The following TOX3 variants were observed in gnomAD, a reference collection of about 807,000 sequenced individuals.
TOX3 encodes CAG trinucleotide repeat-containing gene F9 protein.
Under a neutral mutation model 64.3 loss-of-function variants are expected in TOX3, and 22 were observed. The ratio of observed to expected loss-of-function variants is 0.34; its 90% confidence interval spans 0.24 to 0.49. The LOEUF (loss-of-function observed/expected upper bound fraction) is 0.49. TOX3 is among the 20% of genes least tolerant of loss of function. The pLI is 0.99. For synonymous variants in TOX3, 291 were observed against 273.6 expected, an observed-to-expected ratio of 1.06 and a Z score of -0.63; for missense variants, 661 against 714.4, an observed-to-expected ratio of 0.93 and a Z score of 0.85.
intron 3 of TOX3, among the ~76,000 whole-genome samples, chr16:52,459,152 T>C (rs1960615038): frequency 1.3e-5 from 2 of 151,974 alleles, no homozygotes; most frequent in Admixed American, 6.6e-5. Context: ...CCTGTCTCTA[T>C]AATAATTTTA....
intron 3 of TOX3, among the ~76,000 whole-genome samples, chr16:52,459,075 A>T (rs1960612529): frequency 6.6e-6 from 1 of 152,180 alleles, no homozygotes; most frequent in African/African-American, 2.4e-5. Context: ...GCACTTTGGG[A>T]GGCCAAGACA....
intron 1 of TOX3, among the ~76,000 whole-genome samples, chr16:52,528,589 C>T (rs1001958807): frequency 6.6e-6 from 1 of 152,098 alleles, no homozygotes; most frequent in Admixed American, 6.5e-5. Flanking sequence ...CCGTGCCAGC[C>T]GGCCAACTGC....
rs563294790 is a variant in TOX3 at position 52,504,384 on chromosome 16, G to A, written c.88-35810C>T. 2.1e-4 allele frequency among the ~76,000 whole-genome samples: 31 copies of A among 150,292 alleles called. 1 individual carries two copies. The highest frequency in any genetic ancestry group is 7.3e-4 in the African/African-American group (30 of 40,896). ...CAGGAGGCTGAGGCAGGAGAATGGC[G>A]TGAACCCAGGAGGCGGAGCTTGCAG... On this transcript the variant is annotated intron_variant, in intron 1 of 6. Coordinates refer to ENST00000219746, the MANE Select transcript of TOX3 (RefSeq NM_001080430.4).
At chr16:52,440,003 A>G (rs192961853) in intron 6 of TOX3, 35 bp from the exon 7 acceptor site, 3 of 1,464,738 alleles carry the variant, frequency 2.0e-6, no homozygotes, top group East Asian at 2.3e-5. Context: ...AGACTGTTAC[A>G]ACACATAAGT....
At chr16:52,535,529 A>C (rs1199923724) in intron 1 of TOX3, among the ~76,000 whole-genome samples, 2 of 152,200 alleles carry the variant, frequency 1.3e-5, no homozygotes, top group Non-Finnish European at 2.9e-5. Context: ...TTCAGTGTTT[A>C]AGAAGCCTCC....
chr16:52,523,569 C>A (rs1025374366), intron 1 of TOX3, among the ~76,000 whole-genome samples: 22 of 152,138 alleles, frequency 1.4e-4, no homozygotes, highest in Admixed American at 1.3e-3. Context: ...ACAGGAACCA[C>A]GTTTAACATC....
At position 52,464,196 on chromosome 16, in the gene TOX3, G is replaced by A. The variant is rs765705071; in HGVS notation, c.154-8C>T. 112 of 1,496,564 alleles carry A rather than the reference G, an allele frequency of 7.5e-5. 2 individuals are homozygous for A. The South Asian group carries it at 1.5e-3, about 20-fold the overall frequency. 92.7% of individuals were successfully genotyped at this position (1,496,564 alleles called of 1,614,324 possible). A position where few individuals can be genotyped will look rare whatever the true frequency, so the allele number is the denominator to read the frequency against. ...TGGTGTGTGGAATGTCTGCTAAAAG[G>A]AAACAAAATACAGGTATCTTCATAT... On this transcript the variant is annotated splice_region_variant and splice_polypyrimidine_tract_variant and intron_variant, in intron 2 of 6. Coordinates refer to ENST00000219746, the MANE Select transcript of TOX3 (RefSeq NM_001080430.4).
chr16:52,537,878 T>TAAAAAAAAAAAAAAAAAAAAA (rs57403617), intron 1 of TOX3, among the ~76,000 whole-genome samples: 12 of 111,004 alleles, frequency 1.1e-4, no homozygotes, highest in Non-Finnish European at 2.1e-4. Flanking sequence ...GCTGATATGA[T>TAAAAAAAAAAAAAAAAAAAAA]AAAAAAAAAA....
In TOX3 at chr16:52,491,309, C is replaced by T. The variant is rs1275667308; in HGVS notation, c.88-22735G>A. 2.6e-5 allele frequency among the ~76,000 whole-genome samples: 4 copies of T among 152,082 alleles called. No homozygotes were observed. In the East Asian group the frequency reaches 7.7e-4, roughly 29 times the overall value. ...AGCTCTTCTTCCTCCTGCCCCTACA[C>T]TGAAGCCCTTTCACACTGGACTATG... On this transcript the variant is annotated intron_variant, in intron 1 of 6. Transcript: ENST00000219746.
intron 1 of TOX3, among the ~76,000 whole-genome samples, chr16:52,538,764 C>A (rs992208145): frequency 1.3e-5 from 2 of 152,076 alleles, no homozygotes; most frequent in Non-Finnish European, 2.9e-5. Flanking sequence ...CAAGAAGGGC[C>A]ATTTTCCAGG....
intron 1 of TOX3, among the ~76,000 whole-genome samples, chr16:52,471,514 T>C (rs542292644): frequency 9.2e-5 from 14 of 152,256 alleles, no homozygotes; most frequent in African/African-American, 3.4e-4. Flanking sequence ...GTAAACACAT[T>C]ATAGTACAAA....
At chr16:52,475,240 T>A (rs1961173782) in intron 1 of TOX3, among the ~76,000 whole-genome samples, 2 of 152,188 alleles carry the variant, frequency 1.3e-5, no homozygotes, top group African/African-American at 4.8e-5. Flanking sequence ...TACACTGATG[T>A]CCCAGTAAGA....
At chr16:52,460,997 C>T (rs1400852080) in intron 3 of TOX3, among the ~76,000 whole-genome samples, 1 of 152,110 alleles carries the variant, frequency 6.6e-6, no homozygotes, top group Non-Finnish European at 1.5e-5. Flanking sequence ...CAATATGTCA[C>T]AATAGCTGTC....
intron 1 of TOX3, among the ~76,000 whole-genome samples, chr16:52,538,043 T>C (rs114517704): frequency 0.013 from 1,980 of 152,286 alleles, 41 homozygotes; most frequent in African/African-American, 0.045. Context: ...GAAGTCTTTT[T>C]CTCACTTGCA....
intron 1 of TOX3, among the ~76,000 whole-genome samples, chr16:52,468,829 C>T (rs748060774): frequency 6.6e-6 from 1 of 152,124 alleles, no homozygotes; most frequent in East Asian, 1.9e-4. Flanking sequence ...GGATTACAAA[C>T]ATTAAGCCAA....
intron 1 of TOX3, among the ~76,000 whole-genome samples, chr16:52,521,557 T>A (rs552172500): frequency 6.6e-6 from 1 of 152,240 alleles, no homozygotes; most frequent in South Asian, 2.1e-4. Context: ...CCTTTGTGCA[T>A]GGCCATCTGT....
In TOX3 at chr16:52,546,855, C is replaced by A; in HGVS notation, c.-132G>T. ...CGTGGGACTCGCGGCCGGAGGGGCG[C>A]CGGGACCCAGAGCCCGAGGAGCTCG... On this transcript the variant is annotated 5_prime_UTR_variant, in exon 1 of 7. Coordinates refer to ENST00000219746, the MANE Select transcript of TOX3 (RefSeq NM_001080430.4). The A allele has an allele frequency of 8.1e-7, 1 of 1,228,676 alleles. No individual in the cohort carries two copies. The highest frequency in any genetic ancestry group is 1.6e-5 in the African/African-American group (1 of 63,340). 76.1% of individuals were successfully genotyped at this position (1,228,676 alleles called of 1,614,324 possible).
Position 52,436,673 on chromosome 16 carries a change from T to G in TOX3, c.*2552A>C, listed in dbSNP as rs1211714713. 1 of 151,772 alleles carries G rather than the reference T, an allele frequency of 6.6e-6. No homozygotes were observed. Among genetic ancestry groups the G allele is most frequent in the East Asian group, 1.9e-4 (1 of 5,178 alleles). The allele number at this position is 151,772 out of a possible 1,614,324, so 9.4% of individuals were successfully genotyped here. On this transcript the variant is annotated 3_prime_UTR_variant, in exon 7 of 7. Transcript: ENST00000219746. ...ATTTTATAAACTGTAGTCATTAAAC[T>G]TTTTTTTTCCTCTGGAATTGACCAT... is the stretch of plus-strand genomic sequence containing the variant.
At chr16:52,505,437 G>T (rs59311427) in intron 1 of TOX3, among the ~76,000 whole-genome samples, 6,762 of 152,220 alleles carry the variant, frequency 0.044, 353 homozygotes, top group East Asian at 0.16. Flanking sequence ...GAATGCCAGA[G>T]TCACCAAACT....
Sources: allele counts gnomAD v4.1 joint callset (sites outside exome capture counted in the v4.1 genomes callset), GRCh38; gene constraint gnomAD v4.1.1; transcripts MANE v1.5; gene names NCBI Gene and HGNC (gene_info 2026-07-23, HGNC 2026-07-21).